The following SYNPO2 variants were observed in gnomAD, a reference collection of about 807,000 sequenced individuals.
The protein encoded by SYNPO2 is synaptopodin-2.
Under a neutral mutation model 85.0 loss-of-function variants are expected in SYNPO2, and 56 were observed. That is an observed-to-expected ratio of 0.66 (90% CI 0.53 to 0.82). The LOEUF (loss-of-function observed/expected upper bound fraction) is 0.82, where lower values mean the gene tolerates loss of function less well. Among genes scored for constraint, SYNPO2 ranks in the 40% least tolerant of loss-of-function variants. The probability of loss-of-function intolerance (pLI) is 0.00; values close to 1 mark genes in which losing one functional copy is unlikely to be tolerated. For missense variants in SYNPO2, 1,575 were observed against 1,534.2 expected (o/e 1.03, Z -0.44); for synonymous variants, 602 against 591.1 (o/e 1.02, Z -0.27).
At chr4:119,025,874 T>C (rs1220972006) in intron 2 of SYNPO2, among the ~76,000 whole-genome samples, 1 of 151,996 alleles carries the variant, frequency 6.6e-6, no homozygotes, top group East Asian at 1.9e-4. Flanking sequence ...ACTGGGAAGA[T>C]CAAAATCAAA....
At chr4:119,048,019 A>T (rs968107677) in intron 4 of SYNPO2, among the ~76,000 whole-genome samples, 5 of 152,214 alleles carry the variant, frequency 3.3e-5, no homozygotes, top group African/African-American at 1.2e-4. Flanking sequence ...GTTTATGCAT[A>T]ATTTTCTAAG....
intron 1 of SYNPO2, among the ~76,000 whole-genome samples, chr4:118,870,374 T>C (rs1483059024): frequency 6.6e-6 from 1 of 152,348 alleles, no homozygotes; most frequent in East Asian, 1.9e-4. Context: ...TATTAAGCAG[T>C]TGTTATATGT....
chr4:118,972,192 A>G (rs1054042815), intron 1 of SYNPO2, among the ~76,000 whole-genome samples: 1 of 152,154 alleles, frequency 6.6e-6, no homozygotes, highest in African/African-American at 2.4e-5. Flanking sequence ...GCATGCCTGT[A>G]CACTTTGGGA....
intron 1 of SYNPO2, among the ~76,000 whole-genome samples, chr4:118,960,215 G>T (rs529788446): frequency 2.0e-5 from 3 of 152,274 alleles, no homozygotes; most frequent in African/African-American, 7.2e-5. Context: ...ATGAAAAAAT[G>T]TTCTGTGGTT....
At chr4:118,937,371 A>G (rs1177594288) in intron 1 of SYNPO2, among the ~76,000 whole-genome samples, 1 of 152,002 alleles carries the variant, frequency 6.6e-6, no homozygotes, top group Non-Finnish European at 1.5e-5. Context: ...TTGCCTGACA[A>G]ACTCCTACTC....
intron 1 of SYNPO2, among the ~76,000 whole-genome samples, chr4:118,925,766 T>C (rs1168570512): frequency 6.6e-6 from 1 of 152,184 alleles, no homozygotes. Context: ...AAACAAGTGA[T>C]GTATGCCTTC....
At chr4:118,967,211 A>G (rs946094442) in intron 1 of SYNPO2, among the ~76,000 whole-genome samples, 7 of 152,018 alleles carry the variant, frequency 4.6e-5, no homozygotes, top group African/African-American at 1.7e-4. Context: ...TATACTGCCC[A>G]TTTTCTTTTT....
chr4:119,017,557 AT>A (rs1420673649), intron 1 of SYNPO2, among the ~76,000 whole-genome samples: 25 of 145,190 alleles, frequency 1.7e-4, no homozygotes, highest in Non-Finnish European at 3.1e-5. Context: ...AAAAAAAAAA[AT>A]CTCTAAAACT....
chr4:118,916,775 C>T (rs1327891826), intron 1 of SYNPO2, among the ~76,000 whole-genome samples: 11 of 147,606 alleles, frequency 7.5e-5, no homozygotes, highest in East Asian at 2.0e-4. Context: ...CTCTGTCCCC[C>T]GGGCTGGAGT....
At chr4:118,926,348 G>A (rs1466377704) in intron 1 of SYNPO2, among the ~76,000 whole-genome samples, 2 of 152,110 alleles carry the variant, frequency 1.3e-5, no homozygotes, top group African/African-American at 2.4e-5. Context: ...TTTTATATAT[G>A]TATGGAGCTG....
At chr4:118,877,903 G>T (rs1199234135) in intron 1 of SYNPO2, among the ~76,000 whole-genome samples, 1 of 152,158 alleles carries the variant, frequency 6.6e-6, no homozygotes, top group African/African-American at 2.4e-5. Flanking sequence ...GATGATACAT[G>T]CATGTGAATG....
chr4:118,986,145 A>C (rs1359565875), intron 1 of SYNPO2, among the ~76,000 whole-genome samples: 1 of 152,172 alleles, frequency 6.6e-6, no homozygotes, highest in Non-Finnish European at 1.5e-5. Flanking sequence ...CACAATTTTA[A>C]ATCCTTTTAT....
At chr4:119,008,626 G>A (rs1255959838) in intron 1 of SYNPO2, among the ~76,000 whole-genome samples, 1 of 152,046 alleles carries the variant, frequency 6.6e-6, no homozygotes, top group Non-Finnish European at 1.5e-5. Flanking sequence ...AAGATGAGGA[G>A]ACTCAACATT....
intron 1 of SYNPO2, among the ~76,000 whole-genome samples, chr4:118,943,015 G>T (rs1484070440): frequency 1.3e-5 from 2 of 151,908 alleles, no homozygotes; most frequent in Non-Finnish European, 2.9e-5. Context: ...GCTGAGGCAG[G>T]AGAATCTCTT....
At chr4:118,862,719 T>C (rs1731631536) in intron 1 of SYNPO2, among the ~76,000 whole-genome samples, 1 of 152,208 alleles carries the variant, frequency 6.6e-6, no homozygotes, top group Non-Finnish European at 1.5e-5. Context: ...TGTGTTTGAA[T>C]TCAGTTTGCT....
chr4:118,934,977 A>G (rs1168916668), intron 1 of SYNPO2, among the ~76,000 whole-genome samples: 2 of 152,224 alleles, frequency 1.3e-5, no homozygotes, highest in African/African-American at 2.4e-5. Context: ...CTTTTCTAGT[A>G]TATATTAAAA....
At chr4:118,959,194 G>A (rs1734983735) in intron 1 of SYNPO2, among the ~76,000 whole-genome samples, 1 of 152,122 alleles carries the variant, frequency 6.6e-6, no homozygotes, top group African/African-American at 2.4e-5. Context: ...TACCATATCA[G>A]GACATCAAAG....
intron 1 of SYNPO2, among the ~76,000 whole-genome samples, chr4:118,968,737 G>A (rs1344124570): frequency 6.6e-6 from 1 of 152,118 alleles, no homozygotes; most frequent in Non-Finnish European, 1.5e-5. Context: ...CTTGCAATGG[G>A]TAGAGCAATT....
intron 1 of SYNPO2, among the ~76,000 whole-genome samples, chr4:118,898,864 TCCTCCCTG>T (rs1732632874): frequency 6.6e-6 from 1 of 152,172 alleles, no homozygotes; most frequent in African/African-American, 2.4e-5. Context: ...CAAACACTGT[TCCTCCCTG>T]GTTGCTTCAT....
Sources: gnomAD v4.1 joint callset for allele counts (sites outside exome capture counted in the v4.1 genomes callset) on GRCh38, gnomAD v4.1.1 for gene constraint, MANE v1.5 for transcripts, NCBI Gene and HGNC (gene_info 2026-07-23, HGNC 2026-07-21) for gene names.